Variants in RMP64 observed in about 807,000 individuals in gnomAD.
RMP64 encodes the protein ribonuclease MRP subunit p64.
At chr3:113,014,110 ACTT>A in the RMP64 span, 1 of 868,644 alleles carries the variant, frequency 1.2e-6, no homozygotes, top group Non-Finnish European at 1.9e-6. Context: ...GAAAGCAAAG[ACTT>A]CTAGATTTTC....
At chr3:113,008,776 C>G in the RMP64 span, 3,901 of 205,566 alleles carry the variant, frequency 0.019, 62 homozygotes, top group Non-Finnish European at 0.027. Context: ...TTTTGTTCCC[C>G]CTCTGTACCA....
the RMP64 span, chr3:113,005,112 A>T: frequency 4.7e-6 from 1 of 213,052 alleles, no homozygotes; most frequent in South Asian, 8.3e-5. Context: ...AATGGAGCCA[A>T]TAAGACCAAA....
At chr3:113,005,593 T>C in the RMP64 span, 2 of 1,613,960 alleles carry the variant, frequency 1.2e-6, no homozygotes, top group South Asian at 1.1e-5. Context: ...TAATGGTTCC[T>C]GATGTACTGT....
At chr3:113,019,670 A>G in the RMP64 span, 11 of 1,594,078 alleles carry the variant, frequency 6.9e-6, no homozygotes, top group Non-Finnish European at 9.4e-6. Context: ...GACTTACGAA[A>G]GGCGGAGCTA....
At chr3:113,019,520 C>T in the RMP64 span, 21 of 1,589,778 alleles carry the variant, frequency 1.3e-5, no homozygotes, top group Non-Finnish European at 1.8e-5. Context: ...GTTCCCCCAT[C>T]CTCGCCCGGC....
chr3:113,008,441 G>C, the RMP64 span: 2 of 1,597,632 alleles, frequency 1.3e-6, no homozygotes, highest in East Asian at 2.2e-5. Context: ...CTGAAACGTG[G>C]AAAGATGAGA....
chr3:113,008,969 G>A, the RMP64 span, among the ~76,000 whole-genome samples: 3 of 152,112 alleles, frequency 2.0e-5, no homozygotes, highest in Non-Finnish European at 2.9e-5. Flanking sequence ...AGATTATCAC[G>A]ACTTGTTTTT....
the RMP64 span, chr3:113,010,905 C>A: frequency 1.1e-6 from 1 of 872,688 alleles, no homozygotes; most frequent in Non-Finnish European, 1.7e-6. Context: ...ATTACCATAC[C>A]TCTCTAATCA....
the RMP64 span, chr3:113,010,776 G>A: frequency 3.1e-6 from 4 of 1,278,050 alleles, no homozygotes; most frequent in Non-Finnish European, 1.1e-6. Context: ...AAATTCTTAA[G>A]TGCATGACAT....
At chr3:113,014,357 ATTT>A in the RMP64 span, 59 of 163,316 alleles carry the variant, frequency 3.6e-4, no homozygotes, top group South Asian at 1.4e-3. Context: ...CTAAGACAAG[ATTT>A]TTTTTTTTTT....
chr3:113,011,980 CTT>C, the RMP64 span, among the ~76,000 whole-genome samples: 1 of 152,144 alleles, frequency 6.6e-6, no homozygotes, highest in Non-Finnish European at 1.5e-5. Flanking sequence ...AACACAGAAA[CTT>C]TTTTTCTTTT....
the RMP64 span, chr3:113,005,677 T>C: frequency 8.7e-6 from 14 of 1,613,908 alleles, no homozygotes; most frequent in Non-Finnish European, 1.1e-5. Context: ...CATGAATCAT[T>C]TTCTCCTTAG....
chr3:113,005,599 A>AC, the RMP64 span: 7 of 1,614,002 alleles, frequency 4.3e-6, no homozygotes, highest in South Asian at 7.7e-5. Flanking sequence ...TTCCTGATGT[A>AC]CTGTTTTTAT....
At chr3:113,009,970 T>A in the RMP64 span, among the ~76,000 whole-genome samples, 7 of 144,152 alleles carry the variant, frequency 4.9e-5, no homozygotes, top group Non-Finnish European at 9.1e-5. Context: ...AAGACAGGGT[T>A]AAAAAAAAAA....
the RMP64 span, chr3:113,014,727 TAAAGTACC>T: frequency 6.6e-6 from 1 of 152,192 alleles, no homozygotes; most frequent in Non-Finnish European, 1.5e-5. Flanking sequence ...CAACAGTCTA[TAAAGTACC>T]ACAGAGATGA....
the RMP64 span, chr3:113,019,671 G>A: frequency 5.0e-6 from 8 of 1,599,124 alleles, no homozygotes; most frequent in African/African-American, 1.3e-5. Flanking sequence ...ACTTACGAAA[G>A]GCGGAGCTAC....
chr3:113,007,076 T>C, the RMP64 span, among the ~76,000 whole-genome samples: 1 of 152,196 alleles, frequency 6.6e-6, no homozygotes, highest in Non-Finnish European at 1.5e-5. Context: ...TTTTAGTTGT[T>C]ACCTCTGCCT....
At chr3:113,008,224 A>C in the RMP64 span, 1 of 1,614,152 alleles carries the variant, frequency 6.2e-7, no homozygotes. Context: ...GAAGTTTGTT[A>C]CCCAGAAAAA....
At chr3:113,011,507 G>A in the RMP64 span, 1 of 1,061,958 alleles carries the variant, frequency 9.4e-7, no homozygotes. Flanking sequence ...TGGCTATCAA[G>A]GTCCTCCAGT....
Sources: allele counts gnomAD v4.1 joint callset (sites outside exome capture counted in the v4.1 genomes callset), GRCh38; gene constraint gnomAD v4.1.1; transcripts MANE v1.5; gene names NCBI Gene and HGNC (gene_info 2026-07-23, HGNC 2026-07-21).